The following GALNT6 variants were observed in gnomAD, a reference collection of about 807,000 sequenced individuals.
GALNT6 encodes GalNAc transferase 6.
GALNT6 carries 51 observed loss-of-function variants against 65.9 expected under a neutral mutation model. The ratio of observed to expected loss-of-function variants is 0.77; its 90% CI spans 0.62 to 0.98. GALNT6 has a LOEUF of 0.98. Among genes scored for constraint, GALNT6 ranks in the 50% least tolerant of loss-of-function variants. The pLI is 0.00. For missense variants in GALNT6, 708 were observed against 803.3 expected, an observed-to-expected ratio of 0.88 and a Z score of 1.43; for synonymous variants, 323 against 315.1, an observed-to-expected ratio of 1.02 and a Z score of -0.26.
At chr12:51,360,691 G>T (rs772256493) in intron 7 of GALNT6, 30 bp downstream of exon 7, 1 of 1,274,462 alleles carries the variant, frequency 7.8e-7, no homozygotes, top group Non-Finnish European at 1.1e-6. Context: ...GGGATGTTGT[G>T]GTTCCCCCCA....
intron 6 of GALNT6, among the ~76,000 whole-genome samples, chr12:51,363,525 A>C (rs1250212043): frequency 1.3e-5 from 2 of 152,258 alleles, no homozygotes; most frequent in South Asian, 2.1e-4. Context: ...AGCAAACTAT[A>C]TGTGGCTGGC....
chr12:51,383,254 G>A (rs1364057225), intron 2 of GALNT6, among the ~76,000 whole-genome samples: 1 of 152,174 alleles, frequency 6.6e-6, no homozygotes, highest in African/African-American at 2.4e-5. Context: ...CACCTCATCA[G>A]TTCTGGAACT....
At chr12:51,384,033 C>A (rs755067005) in intron 2 of GALNT6, among the ~76,000 whole-genome samples, 3 of 152,150 alleles carry the variant, frequency 2.0e-5, no homozygotes, top group Non-Finnish European at 4.4e-5. Flanking sequence ...CCACACCTGG[C>A]CTCCTGCTTT....
chr12:51,369,152 G>T (rs1366624515), intron 4 of GALNT6, among the ~76,000 whole-genome samples: 3 of 152,298 alleles, frequency 2.0e-5, no homozygotes, highest in Middle Eastern at 3.4e-3. Flanking sequence ...AAACATCATA[G>T]GAAGTGGGTT....
intron 2 of GALNT6, among the ~76,000 whole-genome samples, chr12:51,384,311 CT>C (rs1294166869): frequency 6.6e-6 from 1 of 152,248 alleles, no homozygotes; most frequent in African/African-American, 2.4e-5. Flanking sequence ...CCCAGCCCAG[CT>C]TGTATCAAAC....
intron 2 of GALNT6, among the ~76,000 whole-genome samples, chr12:51,386,799 C>T (rs1468567325): frequency 6.6e-6 from 1 of 152,160 alleles, no homozygotes; most frequent in African/African-American, 2.4e-5. Flanking sequence ...TCCTTTCTTC[C>T]TCATAAGCAC....
In GALNT6 at chr12:51,379,772, G is replaced by A. The variant is rs771166381; in HGVS notation, c.10C>T (p.Leu4Phe). MRLLRRRHMPLRLA... is the reference protein window; with the variant it reads MRLFRRRHMPLRLA... ...CGCAGGGGCATGTGGCGTCTGCGGA[G>A]GAGCCTCATCCTCCAGAACCAAGGG... Residue 4 changes from leucine to phenylalanine, a missense_variant, in exon 3 of 12, where the codon CTC becomes TTC. Transcript: ENST00000356317. 6.2e-7 allele frequency: 1 copy of A among 1,605,332 alleles called. No homozygotes were observed. Among genetic ancestry groups the A allele is most frequent in the East Asian group, 2.2e-5 (1 of 44,824 alleles).
intron 4 of GALNT6, among the ~76,000 whole-genome samples, chr12:51,365,783 T>C (rs1328787277): frequency 6.6e-6 from 1 of 152,198 alleles, no homozygotes; most frequent in Non-Finnish European, 1.5e-5. Flanking sequence ...AGAAGCCCTG[T>C]CTGTGGTCAA....
In GALNT6 at chr12:51,379,507, C is replaced by T. The variant is rs1277990592; in HGVS notation, c.275G>A (p.Gly92Glu). Residue 92 changes from glycine (G) to glutamate (E), a missense_variant, in exon 3 of 12, where the codon GGG becomes GAG. Gly to Glu is a moderately conservative substitution (Grantham distance 98). Coordinates refer to ENST00000356317, the MANE Select transcript of GALNT6 (RefSeq NM_007210.4). ...CTTCAGTTCAGCTGGGGTATAGAAC[C>T]CAGGGAGGCAGGACTGGTTTATGGA... Reference protein sequence around the residue: ...LFSINQSCLPGFYTPAELKPF... With the variant: ...LFSINQSCLPEFYTPAELKPF... 4.3e-6 allele frequency: 7 copies of T among 1,614,154 alleles called. No homozygotes were observed. The highest frequency in any genetic ancestry group is 2.5e-6 in the Non-Finnish European group (3 of 1,180,016).
intron 4 of GALNT6, among the ~76,000 whole-genome samples, chr12:51,366,302 C>A (rs1177570346): frequency 6.6e-6 from 1 of 152,170 alleles, no homozygotes; most frequent in Non-Finnish European, 1.5e-5. Context: ...AGCTGCAATT[C>A]CACAGCTCCA....
At chr12:51,368,946 T>C (rs540233233) in intron 4 of GALNT6, among the ~76,000 whole-genome samples, 11 of 152,284 alleles carry the variant, frequency 7.2e-5, no homozygotes, top group Non-Finnish European at 1.2e-4. Flanking sequence ...AGGTGCCAGA[T>C]GCTGTTCTGG....
At position 51,377,857 on chromosome 12, in the gene GALNT6, T is replaced by A. The variant is rs12581208; in HGVS notation, c.492-490A>T. 8.2e-3 allele frequency among the ~76,000 whole-genome samples: 1,247 copies of A among 152,314 alleles called. 55 individuals carry two copies. In the East Asian group the frequency reaches 0.13, roughly 15 times the overall value. On this transcript the variant is annotated intron_variant, in intron 3 of 11. Coordinates refer to ENST00000356317, the MANE Select transcript of GALNT6 (RefSeq NM_007210.4). Reference sequence around the variant, plus strand: ...TTCCCTTTACAGCGTACAGTTCCTCTCTAATCCATTTTCTCATTAACTCCC... The same window carrying A: ...TTCCCTTTACAGCGTACAGTTCCTCACTAATCCATTTTCTCATTAACTCCC...
chr12:51,364,910 TG>T (rs1313943295), intron 5 of GALNT6, among the ~76,000 whole-genome samples: 1 of 152,212 alleles, frequency 6.6e-6, no homozygotes, highest in Non-Finnish European at 1.5e-5. Context: ...AGGCTGTTAG[TG>T]GGGCAGGGTC....
chr12:51,371,282 C>G lies in GALNT6; in HGVS notation c.665-5703G>C, dbSNP rs111504523. On this transcript the variant is annotated intron_variant, in intron 4 of 11. Coordinates refer to ENST00000356317, the MANE Select transcript of GALNT6 (RefSeq NM_007210.4). ...TATTTTTAGTAGAGACGGGGTTTCT[C>G]CATGTTGGCCAGGCTGGTCCCAAAC... Among the ~76,000 whole-genome samples the G allele has an allele frequency of 3.1e-3, 473 of 152,132 alleles. 2 individuals are homozygous for G. The highest frequency in any genetic ancestry group is 0.011 in the African/African-American group (454 of 41,500).
At chr12:51,366,296 G>C (rs1947104184) in intron 4 of GALNT6, among the ~76,000 whole-genome samples, 1 of 152,128 alleles carries the variant, frequency 6.6e-6, no homozygotes, top group Non-Finnish European at 1.5e-5. Flanking sequence ...TTCCAGAGCT[G>C]CAATTCCACA....
chr12:51,357,385 G>A lies in GALNT6; in HGVS notation c.1566C>T (p.Leu522=). 6.2e-7 allele frequency: 1 copy of A among 1,613,954 alleles called. No homozygotes were observed. Among genetic ancestry groups the A allele is most frequent in the Non-Finnish European group, 8.5e-7 (1 of 1,179,848 alleles). Residue 522 remains leucine (L), a synonymous_variant, in exon 10 of 12, where the codon CTC becomes CTT. Coordinates refer to ENST00000356317, the MANE Select transcript of GALNT6 (RefSeq NM_007210.4). ...CAAGGCCGTGGCAGGAGTACATGAT[G>A]AGGGGCTTCCCCCCGCGGTTGTTCT... ...VGENNRGGKP[L]IMYSCHGLGG...
At chr12:51,380,716 G>A (rs574830468) in intron 2 of GALNT6, among the ~76,000 whole-genome samples, 7 of 152,070 alleles carry the variant, frequency 4.6e-5, no homozygotes, top group Non-Finnish European at 8.8e-5. Context: ...ACTTGAACCC[G>A]GGAGGCAGAG....
Position 51,358,229 on chromosome 12 carries a change from C to G in GALNT6, c.1401G>C (p.Gln467His). 1 of 1,613,758 alleles carries G rather than the reference C, an allele frequency of 6.2e-7. No individual in the cohort carries two copies. The highest frequency in any genetic ancestry group is 2.2e-5 in the East Asian group (1 of 44,864). The change falls in exon 9 of 12, where the codon CAG becomes CAC. Residue 467 changes from glutamine (Q) to histidine (H), a missense_variant. Coordinates refer to ENST00000356317, the MANE Select transcript of GALNT6 (RefSeq NM_007210.4). ...KSFGDISERL[Q>H]LREQLHCHNF... The stretch of plus-strand genomic sequence containing the variant: ...TGTGACAGTGCAGTTGTTCCCTCAG[C>G]TGCAGTCGTTCCGAAATGTCACCGA...
chr12:51,366,631 C>T (rs1478697469), intron 4 of GALNT6, among the ~76,000 whole-genome samples: 1 of 152,094 alleles, frequency 6.6e-6, no homozygotes, highest in Non-Finnish European at 1.5e-5. Flanking sequence ...AGGAAACAGG[C>T]AATTCCAGGG....
Sources: gnomAD v4.1 joint callset for allele counts (sites outside exome capture counted in the v4.1 genomes callset) on GRCh38, gnomAD v4.1.1 for gene constraint, MANE v1.5 for transcripts, NCBI Gene and HGNC (gene_info 2026-07-23, HGNC 2026-07-21) for gene names.